The following COL11A1 variants were observed in gnomAD, a reference collection of about 807,000 sequenced individuals.
The protein encoded by COL11A1 is collagen type XI alpha 1 chain, also known as collagen alpha-1(XI) chain.
In COL11A1, 74 loss-of-function variants were observed where a neutral mutation model predicts 265.2. The observed-to-expected ratio is 0.28, with a 90% CI of 0.23 to 0.34. The LOEUF (loss-of-function observed/expected upper bound fraction) is 0.34, where lower values mean the gene tolerates loss of function less well. Among genes scored for constraint, COL11A1 ranks in the 10% least tolerant of loss-of-function variants. COL11A1 has a pLI of 1.00. For missense variants in COL11A1, 2,165 were observed against 2,263.6 expected (o/e 0.96, Z 0.88); for synonymous variants, 816 against 727.6 (o/e 1.12, Z -1.96).
At chr1:103,019,214 C>A (rs1666800845) in intron 9 of COL11A1, among the ~76,000 whole-genome samples, 1 of 151,870 alleles carries the variant, frequency 6.6e-6, no homozygotes, top group South Asian at 2.1e-4. Flanking sequence ...CAGAATAATA[C>A]CTGGCATAAA....
Position 102,877,177 on chromosome 1 carries a change from C to T in COL11A1, c.*842G>A, listed in dbSNP as rs1435988501. On this transcript the variant is annotated 3_prime_UTR_variant, in exon 67 of 67. Coordinates refer to ENST00000370096, the MANE Select transcript of COL11A1 (RefSeq NM_001854.4). ...TGATTTGTTAATATACTTTCTTACA[C>T]ACATTTCCCTGTCCAAAAATATAAA... is the stretch of plus-strand genomic sequence containing the variant. 6.6e-6 allele frequency: 1 copy of T among 152,534 alleles called. No individual in the cohort carries two copies. The allele number at this position is 152,534 out of a possible 1,614,324, so 9.4% of individuals were successfully genotyped here.
At chr1:102,989,637 C>T (rs1557911158) in intron 28 of COL11A1, 66 bp from the exon 29 acceptor site, 2 of 1,147,186 alleles carry the variant, frequency 1.7e-6, no homozygotes, top group South Asian at 1.3e-5. Flanking sequence ...TAAAATATTG[C>T]TATAAAAATT....
intron 4 of COL11A1, among the ~76,000 whole-genome samples, chr1:103,035,128 G>C (rs1557976653): frequency 6.6e-6 from 1 of 152,016 alleles, no homozygotes; most frequent in Non-Finnish European, 1.5e-5. Context: ...TTGCTAGGTA[G>C]ATCCTCAAAG....
At chr1:102,977,897 A>T (rs1288722755) in intron 35 of COL11A1, among the ~76,000 whole-genome samples, 1 of 152,106 alleles carries the variant, frequency 6.6e-6, no homozygotes, top group South Asian at 2.1e-4. Flanking sequence ...AGTTTTGCTC[A>T]TTGCTCCTAC....
intron 37 of COL11A1, among the ~76,000 whole-genome samples, chr1:102,968,724 A>AT (rs777664947): frequency 7.2e-4 from 110 of 152,286 alleles, no homozygotes; most frequent in Non-Finnish European, 1.3e-3. Flanking sequence ...CGGGAATATA[A>AT]TTTTTTCAGA....
At chr1:102,906,008 T>G (rs945863495) in intron 54 of COL11A1, among the ~76,000 whole-genome samples, 5 of 152,176 alleles carry the variant, frequency 3.3e-5, no homozygotes, top group Non-Finnish European at 7.4e-5. Context: ...ATTTTACTCC[T>G]TATTTTATAT....
intron 2 of COL11A1, among the ~76,000 whole-genome samples, chr1:103,081,435 A>G (rs61027833): frequency 3.3e-5 from 5 of 151,816 alleles, no homozygotes; most frequent in Non-Finnish European, 5.9e-5. Flanking sequence ...ATTTTTTTAA[A>G]TCTATTTTTA....
rs751154792 is a variant in COL11A1 at position 102,962,753 on chromosome 1, G to A, written c.2924C>T (p.Thr975Ile). ...TTCCCCTATTGGACCAGTCTCACCG[G>A]TTGGTCCCTAAATTAGATAAGCAAA... ...PGGVVGPQGP[T>I]GETGPIGERG... The change falls in exon 39 of 67, where the codon ACC (threonine) becomes ATC (isoleucine). Residue 975 changes from threonine (T) to isoleucine (I), a missense_variant. Transcript: ENST00000370096. The A allele has an allele frequency of 1.2e-6, 2 of 1,613,906 alleles. No homozygotes were observed. Among genetic ancestry groups the A allele is most frequent in the Non-Finnish European group, 8.5e-7 (1 of 1,179,830 alleles).
At chr1:103,017,721 C>A in intron 11 of COL11A1, 99 bp downstream of exon 11, 1 of 1,021,654 alleles carries the variant, frequency 9.8e-7, no homozygotes. Context: ...ACCCCTCCCA[C>A]ACGCAGTAAG....
chr1:102,885,219 G>A (rs971874206), intron 63 of COL11A1, among the ~76,000 whole-genome samples: 2 of 152,006 alleles, frequency 1.3e-5, no homozygotes, highest in African/African-American at 4.8e-5. Context: ...CCTATGTTAT[G>A]TTGAACTATA....
chr1:103,048,561 A>G (rs1477454151), intron 4 of COL11A1, among the ~76,000 whole-genome samples: 3 of 152,026 alleles, frequency 2.0e-5, no homozygotes, highest in Non-Finnish European at 2.9e-5. Context: ...TCCTGGACTC[A>G]CTGATTTTTT....
chr1:103,078,641 A>G lies in COL11A1; in HGVS notation c.488+17T>C, dbSNP rs1672163788. 1 of 1,604,786 alleles carries G rather than the reference A, an allele frequency of 6.2e-7. No individual in the cohort carries two copies. Among genetic ancestry groups the G allele is most frequent in the African/African-American group, 1.3e-5 (1 of 74,696 alleles). On this transcript the variant is annotated intron_variant, in intron 3 of 66. Transcript: ENST00000370096. ...GATTTTGGCATAGCTAAAACATTGT[A>G]TTATTTTGTTACTTACTTCCCGTCA...
At chr1:102,878,622 T>C (rs1351233134) in intron 66 of COL11A1, among the ~76,000 whole-genome samples, 2 of 150,658 alleles carry the variant, frequency 1.3e-5, no homozygotes, top group African/African-American at 4.9e-5. Context: ...GCCATTCTCC[T>C]GCCTCAGTCT....
At chr1:102,966,567 G>A (rs1457563080) in intron 37 of COL11A1, among the ~76,000 whole-genome samples, 1 of 152,120 alleles carries the variant, frequency 6.6e-6, no homozygotes, top group Non-Finnish European at 1.5e-5. Flanking sequence ...TTCTATTTGA[G>A]CTATCATTAT....
intron 41 of COL11A1, among the ~76,000 whole-genome samples, chr1:102,960,905 A>G (rs1466095446): frequency 6.6e-6 from 1 of 152,160 alleles, no homozygotes; most frequent in Non-Finnish European, 1.5e-5. Flanking sequence ...CTATAGGTGA[A>G]ACTGACTGAA....
intron 4 of COL11A1, among the ~76,000 whole-genome samples, chr1:103,065,587 A>AATATATTATAG (rs1671075953): frequency 6.6e-6 from 1 of 151,212 alleles, no homozygotes; most frequent in Admixed American, 6.6e-5. Context: ...AAAAATAGCA[A>AATATATTATAG]CAAAGGCAAT....
intron 48 of COL11A1, 34 bp from the exon 49 acceptor site, chr1:102,920,398 A>G: frequency 6.3e-7 from 1 of 1,578,448 alleles, no homozygotes; most frequent in Non-Finnish European, 8.7e-7. Context: ...AATTATCCAT[A>G]TTCTTATTAA....
intron 43 of COL11A1, among the ~76,000 whole-genome samples, chr1:102,939,809 A>C (rs1411072893): frequency 6.6e-6 from 1 of 152,154 alleles, no homozygotes; most frequent in Admixed American, 6.5e-5. Flanking sequence ...CTGGTTTAAA[A>C]ATTTTTAAAT....
chr1:103,062,980 C>G (rs1363767976), intron 4 of COL11A1, among the ~76,000 whole-genome samples: 2 of 151,336 alleles, frequency 1.3e-5, no homozygotes, highest in African/African-American at 4.9e-5. Flanking sequence ...CATGAGCACT[C>G]AAAAAAGAAA....
Sources: allele counts gnomAD v4.1 joint callset (sites outside exome capture counted in the v4.1 genomes callset), GRCh38; gene constraint gnomAD v4.1.1; transcripts MANE v1.5; gene names NCBI Gene and HGNC (gene_info 2026-07-23, HGNC 2026-07-21).